The following SEMA3A variants were observed in gnomAD, a reference collection of about 807,000 sequenced individuals.
SEMA3A encodes semaphorin 3A.
A neutral mutation model predicts 97.9 loss-of-function variants in SEMA3A; 29 were observed. That is an observed-to-expected ratio of 0.30 (90% confidence interval 0.22 to 0.40). SEMA3A has a LOEUF of 0.40. SEMA3A is among the 10% of genes least tolerant of loss of function. The probability of loss-of-function intolerance (pLI) is 1.00; values close to 1 mark genes in which losing one functional copy is unlikely to be tolerated. For synonymous variants in SEMA3A, 321 were observed against 323.7 expected (o/e 0.99, Z 0.09); for missense variants, 763 against 951.3 (o/e 0.80, Z 2.60).
intron 1 of SEMA3A, among the ~76,000 whole-genome samples, chr7:84,466,177 GT>G (rs1234973207): frequency 4.0e-4 from 61 of 152,042 alleles, no homozygotes; most frequent in African/African-American, 1.4e-3. Flanking sequence ...TTGTTTGTTT[GT>G]TTGTTTGCTT....
intron 3 of SEMA3A, among the ~76,000 whole-genome samples, chr7:84,217,366 T>C (rs1052702142): frequency 1.3e-5 from 2 of 152,188 alleles, no homozygotes; most frequent in African/African-American, 4.8e-5. Flanking sequence ...CATTGACAGG[T>C]GCTTTGTCTC....
At chr7:84,196,322 T>C (rs1452059111), upstream of SEMA3A, among the ~76,000 whole-genome samples, 1 of 151,900 alleles carries the variant, frequency 6.6e-6, no homozygotes, top group Non-Finnish European at 1.5e-5. Context: ...CACAGACCAA[T>C]AGAGAAAGCA....
intron 2 of SEMA3A, among the ~76,000 whole-genome samples, chr7:84,133,049 T>C (rs1258448158): frequency 1.3e-5 from 2 of 152,146 alleles, no homozygotes; most frequent in Non-Finnish European, 2.9e-5. Flanking sequence ...TTTTATGATA[T>C]TTTCAAAAGA....
chr7:84,117,577 G>A (rs1181304697), intron 3 of SEMA3A, among the ~76,000 whole-genome samples: 1 of 152,170 alleles, frequency 6.6e-6, no homozygotes, highest in Admixed American at 6.5e-5. Flanking sequence ...ATTCTCGTAG[G>A]AGCGTGAACA....
At chr7:84,439,208 T>A (rs1251379102) in intron 1 of SEMA3A, among the ~76,000 whole-genome samples, 1 of 151,992 alleles carries the variant, frequency 6.6e-6, no homozygotes, top group Non-Finnish European at 1.5e-5. Flanking sequence ...CTGATTTGTA[T>A]CTATTAGAAC....
chr7:84,431,855 A>T (rs1426837934), intron 1 of SEMA3A, among the ~76,000 whole-genome samples: 1 of 152,032 alleles, frequency 6.6e-6, no homozygotes, highest in African/African-American at 2.4e-5. Flanking sequence ...ACTATATGTA[A>T]AGAAATAATT....
intron 1 of SEMA3A, among the ~76,000 whole-genome samples, chr7:84,406,372 A>G (rs1215180950): frequency 6.6e-6 from 1 of 152,198 alleles, no homozygotes; most frequent in South Asian, 2.1e-4. Flanking sequence ...CTCTGAATAG[A>G]CCAATAACAG....
chr7:84,055,500 G>A (rs553696471), intron 5 of SEMA3A, among the ~76,000 whole-genome samples: 134 of 152,004 alleles, frequency 8.8e-4, no homozygotes, highest in African/African-American at 3.0e-3. Flanking sequence ...TCTTTGACTA[G>A]GAAAGGGAAC....
intron 1 of SEMA3A, among the ~76,000 whole-genome samples, chr7:84,482,864 G>GT (rs11396239): frequency 0.25 from 34,706 of 139,652 alleles, 4,712 homozygotes; most frequent in African/African-American, 0.37. Context: ...CAAAATTCTA[G>GT]TTTTTTTTTT....
chr7:83,992,315 T>C (rs1789989627), intron 12 of SEMA3A, among the ~76,000 whole-genome samples: 1 of 146,152 alleles, frequency 6.8e-6, no homozygotes, highest in South Asian at 2.2e-4. Flanking sequence ...TGTCTCTATT[T>C]CCTTCAGTTC....
intron 4 of SEMA3A, among the ~76,000 whole-genome samples, chr7:84,071,155 A>C (rs2372027): frequency 0.13 from 19,171 of 152,126 alleles, 1,272 homozygotes; most frequent in South Asian, 0.15. Flanking sequence ...AATCAAAGGG[A>C]AAAATTCCAT....
chr7:83,997,831 G>A (rs1284703494), intron 12 of SEMA3A, among the ~76,000 whole-genome samples: 3 of 151,674 alleles, frequency 2.0e-5, no homozygotes, highest in Non-Finnish European at 4.4e-5. Flanking sequence ...CCATCTCCTG[G>A]GTTCAAGTGA....
rs117690147 is a variant in SEMA3A, at chr7:84,299,215, C to T, written c.-83+7992G>A. Reference sequence around the variant, plus strand: ...GTGAGTCAATTCTTTTTAATAAACTCCCTTTCATAAAGATATAAAACAGTG... The same window carrying T: ...GTGAGTCAATTCTTTTTAATAAACTTCCTTTCATAAAGATATAAAACAGTG... On this transcript the variant is annotated intron_variant, in intron 3 of 3. Coordinates refer to the SEMA3A transcript ENST00000424555. 0.012 allele frequency among the ~76,000 whole-genome samples: 1,844 copies of T among 150,888 alleles called. 59 individuals are homozygous for T. The East Asian group carries it at 0.14, about 12-fold the overall frequency.
intron 5 of SEMA3A, among the ~76,000 whole-genome samples, chr7:84,050,491 G>A (rs1214812692): frequency 1.3e-5 from 2 of 151,900 alleles, no homozygotes; most frequent in Admixed American, 1.3e-4. Flanking sequence ...GTGTTTTTTG[G>A]CTGCATAAAT....
At chr7:84,199,561 T>A (rs975630085), upstream of SEMA3A, among the ~76,000 whole-genome samples, 1 of 150,746 alleles carries the variant, frequency 6.6e-6, no homozygotes, top group Admixed American at 6.6e-5. Context: ...ACATCTGTTA[T>A]TTCCGTTTTT....
intron 1 of SEMA3A, among the ~76,000 whole-genome samples, chr7:84,429,710 C>G (rs1308679162): frequency 6.7e-6 from 1 of 150,144 alleles, no homozygotes; most frequent in Non-Finnish European, 1.5e-5. Flanking sequence ...GGATAGAGGG[C>G]AGATCTCTTA....
At chr7:84,457,491 G>A (rs772599166) in intron 1 of SEMA3A, among the ~76,000 whole-genome samples, 5 of 151,882 alleles carry the variant, frequency 3.3e-5, no homozygotes, top group South Asian at 4.1e-4. Flanking sequence ...TAGTGCTTAC[G>A]TTATAAAATT....
rs547327281 is a variant in SEMA3A at position 84,244,914 on chromosome 7, C to T, written c.-82-50246G>A. Among the ~76,000 whole-genome samples, 21 of 149,122 alleles carry T rather than the reference C, an allele frequency of 1.4e-4. No homozygotes were observed. The South Asian group carries it at 1.5e-3, about 11-fold the overall frequency. On this transcript the variant is annotated intron_variant, in intron 3 of 3. Transcript: ENST00000424555. ...TGCTTCAAGAATGTTGAATATTGGCCCTCACTTTCTTCTGGATCCTAGGGT... is the reference window on the plus strand; with the variant it reads ...TGCTTCAAGAATGTTGAATATTGGCTCTCACTTTCTTCTGGATCCTAGGGT...
At chr7:84,043,810 A>C (rs1030642625) in intron 6 of SEMA3A, among the ~76,000 whole-genome samples, 1 of 152,054 alleles carries the variant, frequency 6.6e-6, no homozygotes, top group Non-Finnish European at 1.5e-5. Context: ...TGAGAGACTG[A>C]TAACTGAATT....
Sources: allele counts gnomAD v4.1 joint callset (sites outside exome capture counted in the v4.1 genomes callset), GRCh38; gene constraint gnomAD v4.1.1; transcripts MANE v1.5; gene names NCBI Gene and HGNC (gene_info 2026-07-23, HGNC 2026-07-21).